The following CHD9 variants were observed in gnomAD, a reference collection of about 807,000 sequenced individuals.
CHD9 encodes ATP-dependent chromatin remodeler CHD9.
A neutral mutation model predicts 316.1 loss-of-function variants in CHD9; 77 were observed. The ratio of observed to expected loss-of-function variants is 0.24; its 90% CI spans 0.20 to 0.29. CHD9 has a LOEUF of 0.29. Ranked by LOEUF, CHD9 falls within the 10% of genes least tolerant of loss-of-function variation. The pLI is 1.00. For synonymous variants in CHD9, 1,129 were observed against 1,158.3 expected (o/e 0.97, Z 0.51); for missense variants, 2,763 against 3,438.1 (o/e 0.80, Z 4.91).
chr16:53,083,619 G>A (rs926287110), intron 1 of CHD9, among the ~76,000 whole-genome samples: 3 of 152,066 alleles, frequency 2.0e-5, no homozygotes, highest in Admixed American at 6.6e-5. Context: ...CCTGCCAAAG[G>A]TGTCTTTCAG....
intron 1 of CHD9, among the ~76,000 whole-genome samples, chr16:53,071,422 A>G (rs187293078): frequency 1.3e-5 from 2 of 152,312 alleles, no homozygotes; most frequent in Admixed American, 1.3e-4. Flanking sequence ...TCATTTCAAA[A>G]ATGTGAGCCC....
intron 1 of CHD9, among the ~76,000 whole-genome samples, chr16:53,124,003 G>A (rs2038861655): frequency 6.6e-6 from 1 of 152,136 alleles, no homozygotes; most frequent in Non-Finnish European, 1.5e-5. Context: ...GTCATCAGCT[G>A]ATAGACATTT....
chr16:53,228,319 C>G (rs974120609), intron 7 of CHD9, among the ~76,000 whole-genome samples: 1 of 151,304 alleles, frequency 6.6e-6, no homozygotes, highest in African/African-American at 2.4e-5. Context: ...CCAGCCTGGG[C>G]AATATAGTGA....
intron 3 of CHD9, among the ~76,000 whole-genome samples, chr16:53,213,529 A>G (rs1043624711): frequency 5.9e-5 from 9 of 152,216 alleles, no homozygotes; most frequent in Non-Finnish European, 1.3e-4. Context: ...TGATCTGTTA[A>G]ATTGAAAACA....
At chr16:53,310,712 G>T (rs112632853) in intron 34 of CHD9, 2 of 150,968 alleles carry the variant, frequency 1.3e-5, no homozygotes, top group Admixed American at 6.6e-5. Context: ...AAAAATTAGC[G>T]TGGTGGCGCG....
At chr16:53,321,211 A>T in intron 37 of CHD9, 1 of 1,316,410 alleles carries the variant, frequency 7.6e-7, no homozygotes. Context: ...TCGAGTTCAC[A>T]TAGCTGGTAA....
At chr16:53,248,514 G>GTT (rs752292946) in intron 16 of CHD9, among the ~76,000 whole-genome samples, 14 of 132,668 alleles carry the variant, frequency 1.1e-4, no homozygotes, top group Admixed American at 1.6e-4. Flanking sequence ...TGCTTTGTTG[G>GTT]TTTTTTTTTT....
chr16:53,059,411 C>G (rs962005296), intron 1 of CHD9, among the ~76,000 whole-genome samples: 2 of 152,108 alleles, frequency 1.3e-5, no homozygotes, highest in Non-Finnish European at 2.9e-5. Flanking sequence ...CAAGACTAGC[C>G]TGGGCAACAT....
intron 12 of CHD9, among the ~76,000 whole-genome samples, chr16:53,241,321 C>T (rs1211981168): frequency 6.6e-6 from 1 of 152,218 alleles, no homozygotes; most frequent in Non-Finnish European, 1.5e-5. Flanking sequence ...TCCTTCTTAT[C>T]TTCCCTATAT....
intron 1 of CHD9, chr16:53,122,116 C>T (rs763203212): frequency 1.3e-5 from 2 of 152,108 alleles, no homozygotes; most frequent in Non-Finnish European, 2.9e-5. Context: ...AGAACATTTT[C>T]ATTAATGCCT....
At chr16:53,288,138 CTAAG>C in intron 27 of CHD9, 124 bp downstream of exon 27, 1 of 695,736 alleles carries the variant, frequency 1.4e-6, no homozygotes, top group East Asian at 2.7e-5. Flanking sequence ...CTCAGATTAG[CTAAG>C]TAAGTGATCA....
chr16:53,209,767 A>G lies in CHD9; in HGVS notation c.1738A>G (p.Lys580Glu). 1 of 1,605,040 alleles carries G rather than the reference A, an allele frequency of 6.2e-7. No homozygotes were observed. Among genetic ancestry groups the G allele is most frequent in the Non-Finnish European group, 8.5e-7 (1 of 1,176,350 alleles). ...MKSKPKDKDS[K>E]KTKTCSKLKE... ...ATCCAAGCCAAAGGACAAAGACAGC[A>G]AAAAAACAAAAACATGTTCTAAGTT... The change falls in exon 3 of 39, where the codon AAA (lysine) becomes GAA (glutamate). Residue 580 changes from lysine (K) to glutamate (E), a missense_variant. Physicochemically the swap from Lys to Glu is moderately conservative, Grantham distance 56. Coordinates refer to ENST00000447540, the MANE Select transcript of CHD9 (RefSeq NM_001308319.2).
At chr16:53,252,719 C>T (rs1326516105) in intron 17 of CHD9, among the ~76,000 whole-genome samples, 1 of 150,836 alleles carries the variant, frequency 6.6e-6, no homozygotes, top group Non-Finnish European at 1.5e-5. Context: ...AAAACAGTTC[C>T]ATCAAAAAGT....
intron 1 of CHD9, among the ~76,000 whole-genome samples, chr16:53,123,158 C>T (rs1005339968): frequency 3.4e-5 from 5 of 146,384 alleles, no homozygotes; most frequent in East Asian, 2.0e-4. Context: ...CCACCACGCC[C>T]GGCCTGGAAT....
intron 2 of CHD9, among the ~76,000 whole-genome samples, chr16:53,199,017 C>CTTTTTTT (rs751958510): frequency 6.9e-6 from 1 of 145,056 alleles, no homozygotes. Context: ...TGCCACCAAA[C>CTTTTTTT]TTTTTTTTTT....
rs58259105 is a variant in CHD9 at position 53,204,058 on chromosome 16, TACACAC to T, written c.1453-5400_1453-5395del. Among the ~76,000 whole-genome samples the T allele has an allele frequency of 5.1e-3, 323 of 62,998 alleles. 6 individuals carry two copies. Among genetic ancestry groups the T allele is most frequent in the African/African-American group, 0.013 (301 of 22,464 alleles). 41.3% of individuals were successfully genotyped at this position (62,998 alleles called of 152,430 possible). The stretch of plus-strand genomic sequence containing the variant: ...AAAAAAAAAAAAAAAAATATATATA[TACACAC>T]ACACACACACACACACACACACATT... On this transcript the variant is annotated intron_variant, in intron 2 of 38. Coordinates refer to ENST00000447540, the MANE Select transcript of CHD9 (RefSeq NM_001308319.2).
At chr16:53,141,931 G>A (rs1448667321) in intron 1 of CHD9, among the ~76,000 whole-genome samples, 1 of 152,108 alleles carries the variant, frequency 6.6e-6, no homozygotes, top group Non-Finnish European at 1.5e-5. Context: ...AAAGTTTGTT[G>A]AATTCAGGCA....
intron 2 of CHD9, among the ~76,000 whole-genome samples, chr16:53,204,170 C>T (rs1444794348): frequency 6.6e-6 from 1 of 150,666 alleles, no homozygotes; most frequent in Non-Finnish European, 1.5e-5. Context: ...CCACCCCAGC[C>T]TGCCAGGAGA....
At chr16:53,092,426 C>T (rs8050947) in intron 1 of CHD9, among the ~76,000 whole-genome samples, 56,274 of 152,130 alleles carry the variant, frequency 0.37, 10,640 homozygotes, top group East Asian at 0.6. Flanking sequence ...CTACCTCTCT[C>T]GGAGACAAAC....
Sources: gnomAD v4.1 joint callset for allele counts (sites outside exome capture counted in the v4.1 genomes callset) on GRCh38, gnomAD v4.1.1 for gene constraint, MANE v1.5 for transcripts, NCBI Gene and HGNC (gene_info 2026-07-23, HGNC 2026-07-21) for gene names.